Variants in COL17A1 observed in about 807,000 individuals in gnomAD.
COL17A1 encodes the protein collagen alpha-1(XVII) chain.
COL17A1 carries 181 observed loss-of-function variants against 218.4 expected under a neutral mutation model. The observed-to-expected ratio is 0.83, with a 90% CI of 0.73 to 0.94. COL17A1 has a LOEUF of 0.94. Among genes scored for constraint, COL17A1 ranks in the 40% least tolerant of loss-of-function variants. The pLI, the probability that COL17A1 is intolerant of heterozygous loss-of-function variation, is 0.00. For synonymous variants in COL17A1, 721 were observed against 731.0 expected (o/e 0.99, Z 0.22); for missense variants, 1,924 against 1,945.9 (o/e 0.99, Z 0.21).
chr10:104,069,878 G>A (rs566202147), intron 9 of COL17A1, among the ~76,000 whole-genome samples: 2 of 152,228 alleles, frequency 1.3e-5, no homozygotes, highest in East Asian at 1.9e-4. Context: ...ACAGCTAAAC[G>A]AGGGTGAACT....
intron 11 of COL17A1, chr10:104,063,510 A>G (rs2086600464): frequency 5.1e-6 from 3 of 586,354 alleles, no homozygotes; most frequent in Non-Finnish European, 9.1e-6. Flanking sequence ...TCTTCCAGAA[A>G]ATAAAGGCGC....
At chr10:104,056,365 G>A (rs771122011) in intron 17 of COL17A1, among the ~76,000 whole-genome samples, 9 of 152,026 alleles carry the variant, frequency 5.9e-5, no homozygotes, top group Admixed American at 5.2e-4. Flanking sequence ...GGCAGATCAC[G>A]GGGTCAGGAA....
chr10:104,080,397 G>A (rs2086754642), intron 2 of COL17A1, among the ~76,000 whole-genome samples: 1 of 152,130 alleles, frequency 6.6e-6, no homozygotes, highest in Admixed American at 6.5e-5. Flanking sequence ...TATAAATACT[G>A]TACATGGAAA....
intron 25 of COL17A1, 29 bp downstream of exon 25, chr10:104,051,452 A>G: frequency 6.2e-7 from 1 of 1,613,818 alleles, no homozygotes; most frequent in Non-Finnish European, 8.5e-7. Flanking sequence ...CTGGAAACAG[A>G]ACCTATTTAC....
intron 15 of COL17A1, 141 bp from the exon 16 acceptor site, chr10:104,058,331 C>G: frequency 1.0e-6 from 1 of 977,138 alleles, no homozygotes; most frequent in East Asian, 2.6e-5. Flanking sequence ...GCATCTCAGT[C>G]CTCACTAATC....
At chr10:104,050,964 G>A in intron 25 of COL17A1, 63 bp from the exon 26 acceptor site, 1 of 1,612,234 alleles carries the variant, frequency 6.2e-7, no homozygotes, top group South Asian at 1.1e-5. Flanking sequence ...GATGAGACAT[G>A]TATGCACACA....
At position 104,032,712 on chromosome 10, in the gene COL17A1, G is replaced by T. The variant is rs373063037; in HGVS notation, c.4400C>A (p.Pro1467His). Residue 1467 changes from proline (P) to histidine (H), a missense_variant, in exon 55 of 56, where the codon CCT (proline) becomes CAT (histidine). Coordinates refer to ENST00000648076, the MANE Select transcript of COL17A1 (RefSeq NM_000494.4). ...TTCTCCCTTGTGTCCTCGAGGGCCA[G>T]GTGGCCCAGGATGACCTGGTGGCCC... ...PAGPPGHPGP[P>H]GPRGHKGEKG... 1.2e-6 allele frequency: 2 copies of T among 1,614,158 alleles called. No individual in the cohort carries two copies.
chr10:104,044,264 A>G (rs2134591904), intron 33 of COL17A1, among the ~76,000 whole-genome samples: 1 of 152,318 alleles, frequency 6.6e-6, no homozygotes, highest in East Asian at 1.9e-4. Flanking sequence ...CGGGATTCCT[A>G]GAGTGCTCTG....
chr10:104,033,867 C>T (rs1191357562), intron 52 of COL17A1, 78 bp downstream of exon 52: 12 of 1,600,736 alleles, frequency 7.5e-6, no homozygotes, highest in Non-Finnish European at 1.0e-5. Context: ...CCTGGGGGTT[C>T]CACAAACAAG....
intron 27 of COL17A1, 38 bp from the exon 28 acceptor site, chr10:104,050,162 T>C: frequency 6.2e-7 from 1 of 1,613,686 alleles, no homozygotes; most frequent in Non-Finnish European, 8.5e-7. Flanking sequence ...AAGCCACAGT[T>C]GTGAGCAAGG....
intron 5 of COL17A1, among the ~76,000 whole-genome samples, chr10:104,074,884 G>A (rs1322252627): frequency 6.6e-6 from 1 of 152,142 alleles, no homozygotes; most frequent in Non-Finnish European, 1.5e-5. Context: ...TAAACTCCTT[G>A]GCCACCTGGC....
In COL17A1 at chr10:104,039,927, T is replaced by A. The variant is rs1384708375; in HGVS notation, c.2788+46A>T. On this transcript the variant is annotated intron_variant, in intron 41 of 55. Transcript: ENST00000648076. ...GCTCTTGGGAGGTGAGCTTTTGCCA[T>A]CCCCACCCCTACCCCAGGTTTTGTT... 5 of 1,613,452 alleles carry A rather than the reference T, an allele frequency of 3.1e-6. No homozygotes were observed. In the Admixed American group the frequency reaches 5.0e-5, roughly 16 times the overall value.
intron 8 of COL17A1, among the ~76,000 whole-genome samples, 180 bp from the exon 9 acceptor site, chr10:104,070,749 A>T (rs768582715): frequency 3.9e-5 from 6 of 152,146 alleles, no homozygotes; most frequent in Non-Finnish European, 8.8e-5. Flanking sequence ...GCACTTATCA[A>T]CTTGGTACTT....
rs369854778 is a variant in COL17A1 at position 104,032,239 on chromosome 10, G to A, written c.4490C>T (p.Pro1497Leu). 30 of 1,613,618 alleles carry A rather than the reference G, an allele frequency of 1.9e-5. No individual in the cohort carries two copies. Among genetic ancestry groups the A allele is most frequent in the Middle Eastern group, 1.6e-4 (1 of 6,082 alleles). The stretch of plus-strand genomic sequence containing the variant: ...AGCTGTCCTGCCATGGCTAGCTCAC[G>A]GCTTGACAGCAATACTTCTTCTCCT... Reference protein sequence around the residue: ...RRRRRSIAVKP With the variant: ...RRRRRSIAVKL Residue 1497 changes from proline to leucine, a missense_variant, in exon 56 of 56, where the codon CCG becomes CTG. Coordinates refer to ENST00000648076, the MANE Select transcript of COL17A1 (RefSeq NM_000494.4).
At chr10:104,034,508 A>G in intron 51 of COL17A1, 113 bp downstream of exon 51, 1 of 1,521,404 alleles carries the variant, frequency 6.6e-7, no homozygotes, top group Non-Finnish European at 8.9e-7. Context: ...GGCTTACCCC[A>G]CCAGTGGCTC....
In COL17A1 at chr10:104,032,251, AT is replaced by A. The variant is rs1252512828; in HGVS notation, c.4477del (p.Ile1493LeufsTer19). On this transcript the variant is annotated frameshift_variant, in exon 56 of 56. Coordinates refer to ENST00000648076, the MANE Select transcript of COL17A1 (RefSeq NM_000494.4). LOFTEE classifies it high-confidence loss of function. ...ATGGCTAGCTCACGGCTTGACAGCA[AT>A]ACTTCTTCTCCTTCTCCGCCCAGCA... ...VYAGRRRRRS[I>X]AVKP The A allele has an allele frequency of 1.2e-6, 2 of 1,614,128 alleles. No homozygotes were observed.
chr10:104,079,926 C>CAAA (rs11369650), intron 2 of COL17A1, among the ~76,000 whole-genome samples: 3 of 134,980 alleles, frequency 2.2e-5, no homozygotes, highest in Admixed American at 7.4e-5. Flanking sequence ...GACTCCGTCT[C>CAAA]AAAAAAAAAA....
At chr10:104,052,277 C>T (rs2086477482) in intron 23 of COL17A1, 60 bp from the exon 24 acceptor site, 1 of 1,606,040 alleles carries the variant, frequency 6.2e-7, no homozygotes, top group Non-Finnish European at 8.5e-7. Context: ...TGCCCCCTAT[C>T]CTGGCACTGT....
Position 104,045,497 on chromosome 10 carries a change from T to C in COL17A1, c.2398+261A>G, listed in dbSNP as rs805718. 0.99 allele frequency among the ~76,000 whole-genome samples: 150,282 copies of C among 152,110 alleles called. 74,252 individuals carry two copies. The highest frequency in any genetic ancestry group is 1 in the Middle Eastern group (294 of 294). On this transcript the variant is annotated intron_variant, in intron 33 of 55. Transcript: ENST00000648076. Reference sequence around the variant, plus strand: ...GGCAGTGCCCTTCTAGAACCTCCTGTAACAGTGGCCTGGAGACATCCAAGT... The same window carrying C: ...GGCAGTGCCCTTCTAGAACCTCCTGCAACAGTGGCCTGGAGACATCCAAGT...
Sources: gnomAD v4.1 joint callset for allele counts (sites outside exome capture counted in the v4.1 genomes callset) on GRCh38, gnomAD v4.1.1 for gene constraint, MANE v1.5 for transcripts, NCBI Gene and HGNC (gene_info 2026-07-23, HGNC 2026-07-21) for gene names.